Variants in ADGB observed in about 807,000 individuals in gnomAD.
ADGB encodes the protein androglobin, also known as calpain-7-like protein.
A neutral mutation model predicts 210.5 loss-of-function variants in ADGB; 172 were observed. The observed-to-expected ratio is 0.82, with a 90% confidence interval of 0.72 to 0.93. The LOEUF is 0.93. ADGB is among the 40% of genes least tolerant of loss of function. The pLI is 0.00. For synonymous variants in ADGB, 658 were observed against 662.7 expected (o/e 0.99, Z 0.11); for missense variants, 2,025 against 1,964.8 (o/e 1.03, Z -0.58).
At position 146,764,206 on chromosome 6, in the gene ADGB, A is replaced by G. The variant is rs75440527; in HGVS notation, c.3750+106A>G. ...CAATATACAGTGTGCAGTGCTGCCA[A>G]TGTATAGCCAGAATTGGAGAATAAG... On this transcript the variant is annotated intron_variant, in intron 28 of 35. Coordinates refer to ENST00000397944, the MANE Select transcript of ADGB (RefSeq NM_024694.4). 4,685 of 913,854 alleles carry G rather than the reference A, an allele frequency of 5.1e-3. 100 individuals carry two copies. In the African/African-American group the frequency reaches 0.056, roughly 11 times the overall value. 56.6% of individuals were successfully genotyped at this position (913,854 alleles called of 1,614,324 possible).
At chr6:146,699,962 G>T (rs1191522668) in intron 12 of ADGB, among the ~76,000 whole-genome samples, 1 of 152,106 alleles carries the variant, frequency 6.6e-6, no homozygotes, top group Non-Finnish European at 1.5e-5. Flanking sequence ...GATACAGGTG[G>T]CTTCATCACC....
intron 35 of ADGB, chr6:146,803,441 G>A: frequency 4.4e-6 from 7 of 1,608,054 alleles, no homozygotes; most frequent in South Asian, 1.1e-5. Context: ...CACCTTCCAG[G>A]GGGCTGTTTT....
At chr6:146,680,572 C>A (rs1374979753) in intron 9 of ADGB, among the ~76,000 whole-genome samples, 1 of 152,186 alleles carries the variant, frequency 6.6e-6, no homozygotes, top group East Asian at 1.9e-4. Context: ...CTTGAGGAAA[C>A]CTGGAGATCT....
intron 20 of ADGB, among the ~76,000 whole-genome samples, chr6:146,730,106 C>T (rs942332847): frequency 6.6e-6 from 1 of 152,092 alleles, no homozygotes; most frequent in Admixed American, 6.5e-5. Flanking sequence ...CAGAAGTATA[C>T]TACTGTCCTA....
intron 20 of ADGB, among the ~76,000 whole-genome samples, chr6:146,732,632 A>G (rs1777010466): frequency 6.6e-6 from 1 of 152,318 alleles, no homozygotes; most frequent in South Asian, 2.1e-4. Context: ...TATGTGACAT[A>G]TGATGAAAAA....
intron 17 of ADGB, among the ~76,000 whole-genome samples, chr6:146,723,824 T>C (rs537361358): frequency 4.3e-4 from 65 of 152,340 alleles, no homozygotes; most frequent in African/African-American, 1.6e-3. Context: ...TTTTTCAAGA[T>C]GTAATATGTT....
intron 33 of ADGB, among the ~76,000 whole-genome samples, chr6:146,789,355 G>T (rs758765118): frequency 1.3e-5 from 2 of 152,070 alleles, no homozygotes; most frequent in African/African-American, 2.4e-5. Context: ...TACATCCTCC[G>T]ATTAAACCTG....
chr6:146,644,449 C>G (rs1465976368), intron 2 of ADGB, among the ~76,000 whole-genome samples: 1 of 151,842 alleles, frequency 6.6e-6, no homozygotes, highest in Non-Finnish European at 1.5e-5. Flanking sequence ...TCTGGCCCAT[C>G]GTAAATTGCT....
chr6:146,705,058 T>G (rs1776547958), intron 13 of ADGB, among the ~76,000 whole-genome samples: 1 of 152,130 alleles, frequency 6.6e-6, no homozygotes, highest in African/African-American at 2.4e-5. Context: ...TAGTTCAATT[T>G]ATTCCTAAAT....
At chr6:146,606,574 C>T (rs755978095) in intron 1 of ADGB, among the ~76,000 whole-genome samples, 31 of 152,072 alleles carry the variant, frequency 2.0e-4, no homozygotes, top group Non-Finnish European at 4.0e-4. Context: ...AGTTGCTTTA[C>T]GTATATAGTG....
chr6:146,663,608 C>T lies in ADGB; in HGVS notation c.613-593C>T, dbSNP rs371794284. Among the ~76,000 whole-genome samples the T allele has an allele frequency of 1.2e-3, 189 of 151,942 alleles. 3 individuals carry two copies. In the South Asian group the frequency reaches 0.022, roughly 18 times the overall value. ...ACACACATAGACACATGCACGCAAA[C>T]GTATTTTTTATATGTTCAGGATAGA... On this transcript the variant is annotated intron_variant, in intron 5 of 35. Coordinates refer to ENST00000397944, the MANE Select transcript of ADGB (RefSeq NM_024694.4).
At chr6:146,756,600 T>A (rs1777409325) in intron 27 of ADGB, among the ~76,000 whole-genome samples, 1 of 152,124 alleles carries the variant, frequency 6.6e-6, no homozygotes, top group Non-Finnish European at 1.5e-5. Flanking sequence ...TTTCTTCTGA[T>A]TTTATTGCAT....
intron 11 of ADGB, among the ~76,000 whole-genome samples, chr6:146,691,839 A>G (rs1776334322): frequency 6.6e-6 from 1 of 151,662 alleles, no homozygotes; most frequent in African/African-American, 2.4e-5. Flanking sequence ...AGGGTTACAA[A>G]AACTTCCCAG....
Position 146,599,109 on chromosome 6 carries a change from G to A in ADGB, c.69G>A (p.Ser23=), listed in dbSNP as rs1281496823. 1 of 1,551,480 alleles carries A rather than the reference G, an allele frequency of 6.4e-7. No homozygotes were observed. ...ACTCGGCGCACGGATCGGATAAATC[G>A]AAAGAGTAAGGGACCTCTGCCTGTC... The part of the protein sequence containing the change: ...RINSAHGSDK[S]KDFYPFGSNV... The change falls in exon 1 of 36, where the codon TCG becomes TCA. Residue 23 remains serine (S), a synonymous_variant. Transcript: ENST00000397944.
chr6:146,610,026 G>A (rs1316062707), intron 1 of ADGB, among the ~76,000 whole-genome samples: 1 of 152,108 alleles, frequency 6.6e-6, no homozygotes, highest in Non-Finnish European at 1.5e-5. Context: ...GGGGTTCTCT[G>A]AATTTCCTGA....
chr6:146,717,669 C>A, intron 16 of ADGB, 70 bp downstream of exon 16: 1 of 730,886 alleles, frequency 1.4e-6, no homozygotes, highest in Non-Finnish European at 2.1e-6. Context: ...AAAACATCTT[C>A]AAATTTCTCA....
chr6:146,735,032 T>C (rs1179549814), intron 22 of ADGB, among the ~76,000 whole-genome samples: 2 of 112,808 alleles, frequency 1.8e-5, no homozygotes, highest in African/African-American at 4.3e-5. Context: ...TTGAAAAACT[T>C]TCTTGTAAAA....
chr6:146,612,466 A>G (rs1780725798), intron 1 of ADGB, among the ~76,000 whole-genome samples: 1 of 152,082 alleles, frequency 6.6e-6, no homozygotes, highest in Non-Finnish European at 1.5e-5. Flanking sequence ...AACTCCAGAG[A>G]TCAGTCATCT....
intron 33 of ADGB, among the ~76,000 whole-genome samples, chr6:146,797,804 G>T (rs907495541): frequency 2.6e-5 from 4 of 151,850 alleles, no homozygotes; most frequent in Non-Finnish European, 1.5e-5. Flanking sequence ...CTACACATCG[G>T]GTACAATGTA....
Sources: allele counts gnomAD v4.1 joint callset (sites outside exome capture counted in the v4.1 genomes callset), GRCh38; gene constraint gnomAD v4.1.1; transcripts MANE v1.5; gene names NCBI Gene and HGNC (gene_info 2026-07-23, HGNC 2026-07-21).